The following AP3S2 variants were observed in gnomAD, a reference collection of about 807,000 sequenced individuals.
AP3S2 encodes AP-3 complex subunit sigma-2.
AP3S2 carries 22 observed loss-of-function variants against 23.4 expected under a neutral mutation model. The observed-to-expected ratio is 0.94, with a 90% CI of 0.67 to 1.34. The LOEUF (loss-of-function observed/expected upper bound fraction) is 1.34, where lower values mean the gene tolerates loss of function less well. Among genes scored for constraint, AP3S2 ranks in the 40% most tolerant of loss-of-function variants. The pLI, the probability that AP3S2 is intolerant of heterozygous loss-of-function variation, is 0.00. For missense variants in AP3S2, 241 were observed against 236.9 expected (o/e 1.02, Z -0.11); for synonymous variants, 86 against 87.1 (o/e 0.99, Z 0.07).
rs1895145274 is a variant in AP3S2, at chr15:89,834,530, G to A, written c.*985C>T. 6.6e-6 allele frequency: 1 copy of A among 152,258 alleles called. No homozygotes were observed. Among genetic ancestry groups the A allele is most frequent in the African/African-American group, 2.4e-5 (1 of 41,456 alleles). The allele number at this position is 152,258 out of a possible 1,614,324, so 9.4% of individuals were successfully genotyped here. A position where few individuals can be genotyped will look rare whatever the true frequency, so the allele number is the denominator to read the frequency against. ...TGTGTCCTGCACATAACACCTGTGAGAATACAACTGGGACTAGGACAATGC... is the reference window on the plus strand; with the variant it reads ...TGTGTCCTGCACATAACACCTGTGAAAATACAACTGGGACTAGGACAATGC... On this transcript the variant is annotated 3_prime_UTR_variant, in exon 6 of 6. Transcript: ENST00000336418.
At chr15:89,874,584 G>A (rs1379180914) in intron 3 of AP3S2, among the ~76,000 whole-genome samples, 1 of 152,048 alleles carries the variant, frequency 6.6e-6, no homozygotes, top group Non-Finnish European at 1.5e-5. Flanking sequence ...AGACCAGCCT[G>A]GGCAACATAG....
intron 4 of AP3S2, among the ~76,000 whole-genome samples, chr15:89,860,657 C>T (rs891745741): frequency 2.0e-5 from 3 of 152,138 alleles, no homozygotes; most frequent in African/African-American, 4.8e-5. Context: ...GTCTTAACCA[C>T]GCTTTAACTC....
At chr15:89,853,529 AC>A (rs1462529018) in intron 4 of AP3S2, among the ~76,000 whole-genome samples, 3 of 152,138 alleles carry the variant, frequency 2.0e-5, no homozygotes, top group African/African-American at 7.2e-5. Context: ...GAGGGCTGCC[AC>A]CCCGTCTGGG....
chr15:89,837,864 C>T, intron 4 of AP3S2, 142 bp from the exon 5 acceptor site: 1 of 892,770 alleles, frequency 1.1e-6, no homozygotes, highest in Non-Finnish European at 1.7e-6. Flanking sequence ...ACCCCCCTGC[C>T]CAGTGACACA....
intron 3 of AP3S2, among the ~76,000 whole-genome samples, 186 bp from the exon 4 acceptor site, chr15:89,871,732 G>C (rs1896323571): frequency 6.6e-6 from 1 of 152,120 alleles, no homozygotes; most frequent in African/African-American, 2.4e-5. Context: ...CGATTTAGAG[G>C]GAATAATCTA....
At chr15:89,864,210 A>G (rs1312322986) in intron 4 of AP3S2, among the ~76,000 whole-genome samples, 2 of 152,184 alleles carry the variant, frequency 1.3e-5, no homozygotes, top group East Asian at 3.8e-4. Context: ...ATGGCCTTTT[A>G]TTTCCTTCTA....
chr15:89,874,575 G>A (rs1390091660), intron 3 of AP3S2, among the ~76,000 whole-genome samples: 1 of 152,094 alleles, frequency 6.6e-6, no homozygotes, highest in Non-Finnish European at 1.5e-5. Flanking sequence ...AGGAGTTTGA[G>A]ACCAGCCTGG....
At chr15:89,855,335 C>G (rs1032653288) in intron 4 of AP3S2, among the ~76,000 whole-genome samples, 1 of 105,394 alleles carries the variant, frequency 9.5e-6, no homozygotes, top group East Asian at 3.0e-4. Context: ...GCAGCATGCG[C>G]GTTAAGAGTC....
In AP3S2 at chr15:89,871,509, A is replaced by G. The variant is rs1311475113; in HGVS notation, c.311T>C (p.Val104Ala). 5.0e-6 allele frequency: 8 copies of G among 1,613,840 alleles called. No homozygotes were observed. The East Asian group carries it at 1.8e-4, about 36-fold the overall frequency. Residue 104 changes from valine to alanine, a missense_variant, in exon 4 of 6, where the codon GTG (valine) becomes GCG (alanine). Transcript: ENST00000336418. The part of the protein sequence containing the change: ...VETLDKCFEN[V>A]CELDLIFHMD... ...ATGGAAGATCAAATCCAATTCACAC[A>G]CATTTTCGAAACACTTATCCAGAGT...
intron 3 of AP3S2, among the ~76,000 whole-genome samples, chr15:89,884,256 A>G (rs1234550987): frequency 1.3e-5 from 2 of 152,198 alleles, no homozygotes; most frequent in Non-Finnish European, 2.9e-5. Flanking sequence ...TCTTACTGCT[A>G]TAATAGACTA....
chr15:89,877,478 G>A (rs539820936), intron 3 of AP3S2: 61 of 921,658 alleles, frequency 6.6e-5, no homozygotes, highest in Non-Finnish European at 8.4e-5. Context: ...TTTTTTAAGT[G>A]TACAATTCAG....
chr15:89,859,181 T>TCC lies in AP3S2; in HGVS notation c.345+12293_345+12294insGG, dbSNP rs397692051. ...GCCCAAGTGTCCTTCCTTCCTTCCT[T>TCC]TCTTCCTTCCTTCCCTCTCTCCTTG... is the stretch of plus-strand genomic sequence containing the variant. On this transcript the variant is annotated intron_variant, in intron 4 of 5. Coordinates refer to ENST00000336418, the MANE Select transcript of AP3S2 (RefSeq NM_005829.5). Among the ~76,000 whole-genome samples the TCC allele has an allele frequency of 2.0e-5, 3 of 148,956 alleles. No individual in the cohort carries two copies. In the South Asian group the frequency reaches 6.6e-4, roughly 33 times the overall value.
chr15:89,847,087 T>C (rs1336051826), intron 4 of AP3S2, among the ~76,000 whole-genome samples: 2 of 152,000 alleles, frequency 1.3e-5, no homozygotes, highest in Non-Finnish European at 2.9e-5. Flanking sequence ...CAGACAAAAG[T>C]AGATTAAGAC....
chr15:89,887,519 G>A (rs1481426913), intron 3 of AP3S2, among the ~76,000 whole-genome samples: 3 of 150,814 alleles, frequency 2.0e-5, no homozygotes, highest in African/African-American at 4.9e-5. Context: ...TTACTGGCAC[G>A]TGCCACTACG....
At position 89,833,688 on chromosome 15, in the gene AP3S2, T is replaced by C. The variant is rs1049431228; in HGVS notation, c.*1827A>G. On this transcript the variant is annotated 3_prime_UTR_variant, in exon 6 of 6. Transcript: ENST00000336418. ...AAAAGAATGACATCAGGGGTTTTGA[T>C]ATCTATTCACCTACACTTCCCTCTT... 5.9e-5 allele frequency: 9 copies of C among 152,254 alleles called. No homozygotes were observed. The highest frequency in any genetic ancestry group is 2.0e-4 in the Admixed American group (3 of 15,282). 9.4% of individuals were successfully genotyped at this position (152,254 alleles called of 1,614,324 possible).
chr15:89,891,438 T>A (rs1896818258), intron 1 of AP3S2, among the ~76,000 whole-genome samples: 1 of 152,062 alleles, frequency 6.6e-6, no homozygotes, highest in Non-Finnish European at 1.5e-5. Context: ...ACGGGCAGAT[T>A]ACTTGTGGTC....
intron 4 of AP3S2, among the ~76,000 whole-genome samples, chr15:89,847,278 G>T (rs1017865459): frequency 9.3e-5 from 14 of 150,052 alleles, no homozygotes; most frequent in Admixed American, 8.7e-4. Flanking sequence ...CAGCTACTCG[G>T]TAGGCTGAGG....
chr15:89,855,850 GA>G (rs777406522), intron 4 of AP3S2, among the ~76,000 whole-genome samples: 159 of 74,400 alleles, frequency 2.1e-3, no homozygotes, highest in East Asian at 6.6e-3. Flanking sequence ...AACTCCATCA[GA>G]AAAAAAAAAA....
rs1279533893 is a variant in AP3S2, at chr15:89,868,822, G to T, written c.345+2653C>A. Reference sequence around the variant, plus strand: ...GCCGCCCCGTCCGGGAGGGAGGTGGGGGGGTCAGCCCCCTGCCCGGCCAGC... The same window carrying T: ...GCCGCCCCGTCCGGGAGGGAGGTGGTGGGGTCAGCCCCCTGCCCGGCCAGC... On this transcript the variant is annotated intron_variant, in intron 4 of 5. Transcript: ENST00000336418. 6.0e-5 allele frequency among the ~76,000 whole-genome samples: 8 copies of T among 133,512 alleles called. No homozygotes were observed. The East Asian group carries it at 1.8e-3, about 30-fold the overall frequency. The allele number at this position is 133,512 out of a possible 152,430, so 87.6% of individuals were successfully genotyped here.
Sources: allele counts gnomAD v4.1 joint callset (sites outside exome capture counted in the v4.1 genomes callset), GRCh38; gene constraint gnomAD v4.1.1; transcripts MANE v1.5; gene names NCBI Gene and HGNC (gene_info 2026-07-23, HGNC 2026-07-21).